The following SND1 variants were observed in gnomAD, a reference collection of about 807,000 sequenced individuals.
The protein encoded by SND1 is staphylococcal nuclease and tudor domain containing 1.
A neutral mutation model predicts 121.7 loss-of-function variants in SND1; 38 were observed. The ratio of observed to expected loss-of-function variants is 0.31; its 90% CI spans 0.24 to 0.41. The LOEUF (loss-of-function observed/expected upper bound fraction) is 0.41, where lower values mean the gene tolerates loss of function less well. Among genes scored for constraint, SND1 ranks in the 10% least tolerant of loss-of-function variants. The probability of loss-of-function intolerance (pLI) is 1.00; values close to 1 mark genes in which losing one functional copy is unlikely to be tolerated. For missense variants in SND1, 868 were observed against 1,184.6 expected (o/e 0.73, Z 3.92); for synonymous variants, 401 against 447.4 (o/e 0.90, Z 1.31).
chr7:128,023,843 G>A (rs1172970733), intron 16 of SND1, among the ~76,000 whole-genome samples: 1 of 152,188 alleles, frequency 6.6e-6, no homozygotes, highest in Non-Finnish European at 1.5e-5. Flanking sequence ...AGCACTAAGT[G>A]TGAGATCTAT....
intron 16 of SND1, among the ~76,000 whole-genome samples, chr7:128,014,703 G>A (rs2116953691): frequency 6.6e-6 from 1 of 152,324 alleles, no homozygotes; most frequent in African/African-American, 2.4e-5. Flanking sequence ...GTGGAGGGGA[G>A]ATAGATCTAT....
At chr7:127,931,877 G>T (rs1800961785) in intron 15 of SND1, among the ~76,000 whole-genome samples, 1 of 152,044 alleles carries the variant, frequency 6.6e-6, no homozygotes, top group African/African-American at 2.4e-5. Flanking sequence ...TAAGCCCTTT[G>T]TTGAGACCTA....
intron 15 of SND1, among the ~76,000 whole-genome samples, chr7:127,948,433 T>G (rs1425923939): frequency 6.6e-6 from 1 of 152,240 alleles, no homozygotes; most frequent in Non-Finnish European, 1.5e-5. Context: ...GTAAATTGAG[T>G]TGATTAAATT....
At chr7:127,921,243 T>A (rs1300717740) in intron 14 of SND1, among the ~76,000 whole-genome samples, 2 of 152,240 alleles carry the variant, frequency 1.3e-5, no homozygotes, top group African/African-American at 2.4e-5. Flanking sequence ...CTCCATCTGA[T>A]GCTTTCTTTT....
chr7:127,721,952 G>A (rs1353713968), intron 10 of SND1, among the ~76,000 whole-genome samples: 2 of 152,188 alleles, frequency 1.3e-5, no homozygotes, highest in South Asian at 2.1e-4. Context: ...TATGACTCAG[G>A]TATATCATTT....
intron 10 of SND1, among the ~76,000 whole-genome samples, chr7:127,793,873 G>A (rs753442313): frequency 2.0e-5 from 3 of 152,068 alleles, no homozygotes; most frequent in Admixed American, 6.6e-5. Context: ...CAACCAACTG[G>A]AGAAAAGAAC....
chr7:127,898,010 C>T (rs1193976070), intron 13 of SND1, among the ~76,000 whole-genome samples: 1 of 152,122 alleles, frequency 6.6e-6, no homozygotes, highest in Non-Finnish European at 1.5e-5. Flanking sequence ...ATAACCACTA[C>T]TACCCAGCTC....
chr7:127,681,222 C>T (rs998551647), intron 1 of SND1, among the ~76,000 whole-genome samples: 6 of 152,136 alleles, frequency 3.9e-5, no homozygotes, highest in Non-Finnish European at 5.9e-5. Context: ...GTCATTGTAG[C>T]TTTGATTTGC....
At chr7:127,824,242 A>T (rs1798604285) in intron 11 of SND1, among the ~76,000 whole-genome samples, 1 of 152,230 alleles carries the variant, frequency 6.6e-6, no homozygotes, top group Non-Finnish European at 1.5e-5. Context: ...ATCTGATTTT[A>T]TATACATCCA....
chr7:127,869,701 T>G (rs1002749482), intron 12 of SND1, among the ~76,000 whole-genome samples: 16 of 152,180 alleles, frequency 1.1e-4, no homozygotes, highest in Non-Finnish European at 2.2e-4. Context: ...ATTGATACAG[T>G]GTCTTTGTAT....
chr7:127,850,368 T>C (rs990787986), intron 12 of SND1, among the ~76,000 whole-genome samples: 8 of 152,208 alleles, frequency 5.3e-5, no homozygotes, highest in African/African-American at 1.9e-4. Flanking sequence ...AAGCAGCCTC[T>C]TGAATCGCTC....
At chr7:127,721,553 G>A (rs1562990757) in intron 10 of SND1, among the ~76,000 whole-genome samples, 153 bp downstream of exon 10, 1 of 152,194 alleles carries the variant, frequency 6.6e-6, no homozygotes, top group Non-Finnish European at 1.5e-5. Flanking sequence ...AATATTTATA[G>A]CCTGACTACT....
intron 15 of SND1, among the ~76,000 whole-genome samples, chr7:127,937,123 GTCT>G (rs1801077209): frequency 6.6e-6 from 1 of 152,162 alleles, no homozygotes; most frequent in Non-Finnish European, 1.5e-5. Context: ...GATATTTGGA[GTCT>G]TCTGTCAACT....
chr7:127,847,237 A>ACT (rs1325004468), intron 12 of SND1, among the ~76,000 whole-genome samples: 4 of 152,198 alleles, frequency 2.6e-5, no homozygotes, highest in African/African-American at 9.7e-5. Context: ...ATGCCACTGC[A>ACT]CTCCAGCCTG....
At chr7:127,889,681 C>G (rs1343402105) in intron 13 of SND1, among the ~76,000 whole-genome samples, 1 of 151,862 alleles carries the variant, frequency 6.6e-6, no homozygotes, top group Admixed American at 6.6e-5. Context: ...TTCTCACTAC[C>G]CCTCCCAGCC....
intron 16 of SND1, among the ~76,000 whole-genome samples, chr7:127,994,124 C>A (rs1032970270): frequency 3.9e-4 from 59 of 152,186 alleles, no homozygotes; most frequent in Non-Finnish European, 1.5e-4. Context: ...GTGGAGCCCT[C>A]AAGCTTTAGA....
intron 16 of SND1, among the ~76,000 whole-genome samples, chr7:128,048,056 C>T (rs2117016450): frequency 6.6e-6 from 1 of 152,208 alleles, no homozygotes. Flanking sequence ...CCATGTTGGC[C>T]AGGCTGGTCT....
At chr7:127,857,359 ATTTTTTTT>A (rs34235946) in intron 12 of SND1, among the ~76,000 whole-genome samples, 1 of 113,154 alleles carries the variant, frequency 8.8e-6, no homozygotes, top group Non-Finnish European at 1.8e-5. Flanking sequence ...CCCCCGGCTA[ATTTTTTTT>A]TTTTTTTTTT....
At chr7:127,699,272 G>A (rs1796061057) in intron 4 of SND1, among the ~76,000 whole-genome samples, 1 of 152,216 alleles carries the variant, frequency 6.6e-6, no homozygotes. Context: ...TATTTATTGA[G>A]CACTTACTAT....
Sources: allele counts gnomAD v4.1 joint callset (sites outside exome capture counted in the v4.1 genomes callset), GRCh38; gene constraint gnomAD v4.1.1; transcripts MANE v1.5; gene names NCBI Gene and HGNC (gene_info 2026-07-23, HGNC 2026-07-21).